Variants in PLA2G4A observed in about 807,000 individuals in gnomAD.
PLA2G4A encodes phospholipase A2 group IVA.
In PLA2G4A, 40 loss-of-function variants were observed where a neutral mutation model predicts 81.9. The ratio of observed to expected loss-of-function variants is 0.49; its 90% CI spans 0.38 to 0.64. The LOEUF (loss-of-function observed/expected upper bound fraction) is 0.64. PLA2G4A is among the 30% of genes least tolerant of loss of function. PLA2G4A has a pLI of 0.00. For synonymous variants in PLA2G4A, 302 were observed against 296.9 expected (o/e 1.02, Z -0.18); for missense variants, 715 against 905.1 (o/e 0.79, Z 2.69).
At chr1:186,937,060 A>C (rs999847390) in intron 8 of PLA2G4A, among the ~76,000 whole-genome samples, 1 of 151,154 alleles carries the variant, frequency 6.6e-6, no homozygotes, top group African/African-American at 2.4e-5. Flanking sequence ...AGATAATCTC[A>C]CTCAGTTAGA....
At chr1:186,916,163 G>A (rs1183321213) in intron 7 of PLA2G4A, among the ~76,000 whole-genome samples, 4 of 29,024 alleles carry the variant, frequency 1.4e-4, no homozygotes, top group African/African-American at 6.1e-4. Flanking sequence ...TCAGGAGAGC[G>A]TTCGTAAACT....
intron 15 of PLA2G4A, among the ~76,000 whole-genome samples, chr1:186,968,400 A>ATGTGTGTGTGTGTGTG (rs58475951): frequency 0.033 from 4,520 of 137,392 alleles, 190 homozygotes; most frequent in African/African-American, 0.06. Context: ...CGCGGTGTGT[A>ATGTGTGTGTGTGTGTG]TGTGTGTGTG....
intron 3 of PLA2G4A, among the ~76,000 whole-genome samples, chr1:186,876,191 G>A (rs144363652): frequency 6.6e-6 from 1 of 152,222 alleles, no homozygotes; most frequent in African/African-American, 2.4e-5. Flanking sequence ...TAAGATTCGC[G>A]AAATAACTAT....
chr1:186,830,951 TTGCTTG>T (rs1558338941), intron 1 of PLA2G4A, among the ~76,000 whole-genome samples: 281 of 39,682 alleles, frequency 7.1e-3, no homozygotes, highest in East Asian at 0.018. Context: ...GCTTGCTTGC[TTGCTTG>T]CTTTCTTTCT....
At chr1:186,906,480 G>C (rs748235176) in intron 5 of PLA2G4A, among the ~76,000 whole-genome samples, 2 of 152,052 alleles carry the variant, frequency 1.3e-5, no homozygotes, top group Non-Finnish European at 2.9e-5. Flanking sequence ...GCCATGAATG[G>C]GTGTTGTATT....
intron 1 of PLA2G4A, among the ~76,000 whole-genome samples, chr1:186,850,589 A>G (rs1028486263): frequency 2.0e-5 from 3 of 152,144 alleles, no homozygotes; most frequent in Non-Finnish European, 4.4e-5. Flanking sequence ...GTATTTGTTG[A>G]ATGAACAAAG....
At chr1:186,923,334 T>C (rs1442217555) in intron 7 of PLA2G4A, among the ~76,000 whole-genome samples, 1 of 152,256 alleles carries the variant, frequency 6.6e-6, no homozygotes, top group Non-Finnish European at 1.5e-5. Context: ...TCTTTTAATA[T>C]AGAAAACTTT....
intron 7 of PLA2G4A, among the ~76,000 whole-genome samples, chr1:186,927,794 C>A (rs1024842041): frequency 3.3e-5 from 5 of 152,094 alleles, no homozygotes; most frequent in African/African-American, 1.2e-4. Context: ...AGAGGCAGAG[C>A]AAGACAGTTT....
chr1:186,977,919 T>C (rs1657588706), intron 16 of PLA2G4A, 131 bp downstream of exon 16: 2 of 718,530 alleles, frequency 2.8e-6, no homozygotes, highest in Non-Finnish European at 5.1e-6. Flanking sequence ...CCTTGATAAA[T>C]AGATACTATT....
Position 186,901,545 on chromosome 1 carries a change from G to C in PLA2G4A, c.379-5420G>C, listed in dbSNP as rs533936246. The stretch of plus-strand genomic sequence containing the variant: ...CCTGGGAAGTGCTTAGACAGGAGTA[G>C]TGAAAGTAATGAAGTTTAAAAGAGA... On this transcript the variant is annotated intron_variant, in intron 5 of 17. Coordinates refer to ENST00000367466, the MANE Select transcript of PLA2G4A (RefSeq NM_024420.3). Among the ~76,000 whole-genome samples the C allele has an allele frequency of 3.9e-5, 6 of 152,230 alleles. No homozygotes were observed. The East Asian group carries it at 9.6e-4, about 24-fold the overall frequency.
chr1:186,871,983 AG>A lies in PLA2G4A; in HGVS notation c.115+1468del, dbSNP rs140281434. On this transcript the variant is annotated intron_variant, in intron 3 of 17. Transcript: ENST00000367466. Reference sequence around the variant, plus strand: ...ATGTGAGCTTAAGGCTCATATCATCAGTGAATGAGGAGAGTCCAGGAAGTTG... The same window carrying A: ...ATGTGAGCTTAAGGCTCATATCATCATGAATGAGGAGAGTCCAGGAAGTTG... 2.5e-3 allele frequency among the ~76,000 whole-genome samples: 374 copies of A among 152,248 alleles called. 1 individual carries two copies. The highest frequency in any genetic ancestry group is 8.7e-3 in the African/African-American group (363 of 41,564).
intron 7 of PLA2G4A, among the ~76,000 whole-genome samples, chr1:186,921,393 C>A (rs1484569561): frequency 1.3e-5 from 2 of 152,140 alleles, no homozygotes; most frequent in East Asian, 3.9e-4. Context: ...AAGCTTGAGG[C>A]TTTTCAGTGT....
chr1:186,966,255 G>T (rs1372314783), intron 15 of PLA2G4A, among the ~76,000 whole-genome samples: 2 of 151,920 alleles, frequency 1.3e-5, no homozygotes, highest in Non-Finnish European at 2.9e-5. Flanking sequence ...GAAGAGACAA[G>T]CATGTTTACA....
intron 2 of PLA2G4A, among the ~76,000 whole-genome samples, chr1:186,858,326 G>A (rs543728235): frequency 5.0e-4 from 76 of 152,232 alleles, no homozygotes; most frequent in Middle Eastern, 3.4e-3. Context: ...GTTTCTCATT[G>A]TGGTTTTGAT....
intron 17 of PLA2G4A, among the ~76,000 whole-genome samples, chr1:186,982,915 A>G (rs796143028): frequency 7.2e-5 from 11 of 152,104 alleles, no homozygotes; most frequent in African/African-American, 2.6e-4. Flanking sequence ...CGTCTCTACT[A>G]AAAATACAAA....
intron 3 of PLA2G4A, among the ~76,000 whole-genome samples, chr1:186,891,256 G>A (rs1654127381): frequency 6.6e-6 from 1 of 152,056 alleles, no homozygotes; most frequent in Admixed American, 6.5e-5. Flanking sequence ...TCACATCATG[G>A]AGAATAGGGT....
intron 8 of PLA2G4A, among the ~76,000 whole-genome samples, chr1:186,935,416 T>A (rs1655909838): frequency 6.6e-6 from 1 of 151,306 alleles, no homozygotes; most frequent in South Asian, 2.1e-4. Context: ...TTATTTTTTT[T>A]TTTTTCAGAA....
chr1:186,905,951 T>G (rs965162085), intron 5 of PLA2G4A, among the ~76,000 whole-genome samples: 2 of 152,226 alleles, frequency 1.3e-5, no homozygotes, highest in African/African-American at 4.8e-5. Context: ...GTCTGTGTTT[T>G]TCCCTTCCTT....
intron 17 of PLA2G4A, among the ~76,000 whole-genome samples, chr1:186,986,556 T>G (rs1657897199): frequency 6.6e-6 from 1 of 152,232 alleles, no homozygotes; most frequent in Non-Finnish European, 1.5e-5. Flanking sequence ...CATTCTTGGC[T>G]ACACACCTGG....
Sources: gnomAD v4.1 joint callset for allele counts (sites outside exome capture counted in the v4.1 genomes callset) on GRCh38, gnomAD v4.1.1 for gene constraint, MANE v1.5 for transcripts, NCBI Gene and HGNC (gene_info 2026-07-23, HGNC 2026-07-21) for gene names.